The following CEMIP variants were observed in gnomAD, a reference collection of about 807,000 sequenced individuals.
CEMIP encodes cell migration inducing hyaluronidase 1.
Under a neutral mutation model 156.9 loss-of-function variants are expected in CEMIP, and 105 were observed. The observed-to-expected ratio is 0.67, with a 90% CI of 0.57 to 0.79. The LOEUF is 0.79. Among genes scored for constraint, CEMIP ranks in the 30% least tolerant of loss-of-function variants. CEMIP has a pLI of 0.00. For missense variants in CEMIP, 1,457 were observed against 1,769.4 expected, an observed-to-expected ratio of 0.82 and a Z score of 3.17; for synonymous variants, 676 against 668.4, an observed-to-expected ratio of 1.01 and a Z score of -0.17.
At position 80,932,000 on chromosome 15, in the gene CEMIP, C is replaced by G. The variant is rs1160157370; in HGVS notation, c.2754C>G (p.Pro918=). 1.2e-6 allele frequency: 2 copies of G among 1,614,130 alleles called. No individual in the cohort carries two copies. Among genetic ancestry groups the G allele is most frequent in the Admixed American group, 3.3e-5 (2 of 60,034 alleles). ...TGAATAATGCCTGGCAGAGCTGCCC[C>G]CATAACAACGTGACCGGCATTGCCT... is the stretch of plus-strand genomic sequence containing the variant. ...FRLNNAWQSC[P]HNNVTGIAFE... is the part of the protein sequence containing the mutation. Residue 918 remains proline, a synonymous_variant, in exon 22 of 30, where the codon CCC becomes CCG. Transcript: ENST00000394685.
chr15:80,898,845 C>G (rs1245542178), intron 12 of CEMIP, among the ~76,000 whole-genome samples: 1 of 152,214 alleles, frequency 6.6e-6, no homozygotes, highest in African/African-American at 2.4e-5. Flanking sequence ...TTAGGCTGGG[C>G]AGGTGGCCTT....
chr15:80,919,551 C>A (rs1046580791), intron 14 of CEMIP, among the ~76,000 whole-genome samples: 1 of 152,338 alleles, frequency 6.6e-6, no homozygotes, highest in East Asian at 1.9e-4. Context: ...CGGTGGCTCA[C>A]ACCTGTAATC....
At position 80,920,077 on chromosome 15, in the gene CEMIP, T is replaced by C; in HGVS notation, c.1798-17T>C. On this transcript the variant is annotated splice_polypyrimidine_tract_variant and intron_variant, in intron 14 of 29. Coordinates refer to ENST00000394685, the MANE Select transcript of CEMIP (RefSeq NM_001293298.2). The stretch of plus-strand genomic sequence containing the variant: ...AACTGGATGCTTGGTGAAACACCCC[T>C]GTCTTGACCCCTGCAGATCAAGGAC... 7 of 1,612,760 alleles carry C rather than the reference T, an allele frequency of 4.3e-6. No homozygotes were observed. The highest frequency in any genetic ancestry group is 5.9e-6 in the Non-Finnish European group (7 of 1,179,514).
At chr15:80,820,615 C>T (rs1896888048) in intron 1 of CEMIP, among the ~76,000 whole-genome samples, 1 of 152,192 alleles carries the variant, frequency 6.6e-6, no homozygotes, top group South Asian at 2.1e-4. Context: ...TTCTGATTCT[C>T]AGTTTCTGAG....
chr15:80,806,499 A>C (rs565217494), intron 1 of CEMIP, among the ~76,000 whole-genome samples: 3 of 152,200 alleles, frequency 2.0e-5, no homozygotes, highest in South Asian at 4.1e-4. Flanking sequence ...TTCTTCCAGG[A>C]ACCAGGAAAG....
At chr15:80,791,125 T>C (rs1043192338) in intron 1 of CEMIP, among the ~76,000 whole-genome samples, 2 of 151,280 alleles carry the variant, frequency 1.3e-5, no homozygotes, top group Admixed American at 6.6e-5. Context: ...AAAAAAAAGA[T>C]ATTTAGAGAA....
chr15:80,904,529 G>C (rs1899710674), intron 12 of CEMIP, among the ~76,000 whole-genome samples: 1 of 152,218 alleles, frequency 6.6e-6, no homozygotes, highest in Admixed American at 6.5e-5. Flanking sequence ...TAAGGTTCTG[G>C]AGATGGGAGA....
At chr15:80,785,343 C>G (rs998956489) in intron 1 of CEMIP, among the ~76,000 whole-genome samples, 1 of 152,160 alleles carries the variant, frequency 6.6e-6, no homozygotes, top group Non-Finnish European at 1.5e-5. Context: ...TTCCTCAACC[C>G]CCTCCCTGTG....
intron 1 of CEMIP, among the ~76,000 whole-genome samples, chr15:80,802,125 A>G (rs941703306): frequency 1.2e-4 from 18 of 152,232 alleles, no homozygotes; most frequent in African/African-American, 4.3e-4. Context: ...TTTGAGTCCT[A>G]ATTCTGCCAA....
At chr15:80,864,009 T>C (rs1414444127) in intron 1 of CEMIP, among the ~76,000 whole-genome samples, 2 of 152,088 alleles carry the variant, frequency 1.3e-5, no homozygotes, top group African/African-American at 4.8e-5. Flanking sequence ...TTTGCTTGAA[T>C]GTGAGAGGCA....
chr15:80,921,901 C>T (rs566387338), intron 16 of CEMIP, 108 bp from the exon 17 acceptor site: 1,112 of 1,433,134 alleles, frequency 7.8e-4, no homozygotes, highest in Non-Finnish European at 9.8e-4. Flanking sequence ...CTGTGGGTGA[C>T]GGCAGTAGCT....
intron 25 of CEMIP, among the ~76,000 whole-genome samples, chr15:80,939,186 G>A (rs1050942264): frequency 1.9e-4 from 29 of 152,208 alleles, no homozygotes; most frequent in African/African-American, 6.7e-4. Flanking sequence ...TACCTCCTCC[G>A]CCCCAGGGAG....
chr15:80,894,033 G>A (rs941270255), intron 10 of CEMIP, among the ~76,000 whole-genome samples: 2 of 152,130 alleles, frequency 1.3e-5, no homozygotes, highest in African/African-American at 2.4e-5. Flanking sequence ...CCTCCCTGGA[G>A]GCCTGCTCCC....
rs1050368058 is a variant in CEMIP, at chr15:80,932,638, G to A, written c.2793+599G>A. Among the ~76,000 whole-genome samples the A allele has an allele frequency of 6.6e-6, 1 of 152,120 alleles. No individual in the cohort carries two copies. Among genetic ancestry groups the A allele is most frequent in the South Asian group, 2.1e-4 (1 of 4,824 alleles). On this transcript the variant is annotated intron_variant, in intron 22 of 29. Transcript: ENST00000394685. The surrounding 1 kb of genome is among the most constrained non-coding windows in gnomAD (Gnocchi z 4.5). ...TTCCCTCCTTCTCCTCCCTGCTCCT[G>A]CCTTTTGCCTGTTTGCCCAGTTCCT...
intron 28 of CEMIP, 172 bp from the exon 29 acceptor site, chr15:80,946,793 A>G (rs544068477): frequency 1.1e-5 from 7 of 656,258 alleles, no homozygotes; most frequent in African/African-American, 3.6e-5. Context: ...CACCACATGG[A>G]AAGAGCCCGT....
At chr15:80,804,456 A>G (rs1347719113) in intron 1 of CEMIP, among the ~76,000 whole-genome samples, 2 of 152,222 alleles carry the variant, frequency 1.3e-5, no homozygotes, top group Non-Finnish European at 2.9e-5. Flanking sequence ...TTTAGCTTCA[A>G]TACCATGTGG....
rs759119431 is a variant in CEMIP at position 80,922,061 on chromosome 15, G to A, written c.2126G>A (p.Gly709Glu). ...CACGTACCAACGGGCCCCTCCGTGG[G>A]AATGTACTCCCCAGGTTATTCAGAG... ...FHHVPTGPSV[G>E]MYSPGYSEHI... Residue 709 changes from glycine to glutamate, a missense_variant, in exon 17 of 30, where the codon GGA becomes GAA. Around this residue, in one of 5 missense-constraint regions of CEMIP, gnomAD observed 798 missense variants for 980.1 expected, o/e 0.81. Transcript: ENST00000394685. The A allele has an allele frequency of 6.2e-7, 1 of 1,614,262 alleles. No homozygotes were observed. Among genetic ancestry groups the A allele is most frequent in the South Asian group, 1.1e-5 (1 of 91,088 alleles).
chr15:80,803,428 TAAG>T (rs1896429726), intron 1 of CEMIP, among the ~76,000 whole-genome samples: 1 of 152,050 alleles, frequency 6.6e-6, no homozygotes, highest in Non-Finnish European at 1.5e-5. Flanking sequence ...GGCACTGGAT[TAAG>T]AAATGCCAAA....
At chr15:80,947,133 T>G in intron 29 of CEMIP, 68 bp downstream of exon 29, 1 of 1,002,238 alleles carries the variant, frequency 1.0e-6, no homozygotes, top group East Asian at 2.5e-5. Flanking sequence ...GCATGGAGGG[T>G]GCTGTCATCT....
Sources: allele counts gnomAD v4.1 joint callset (sites outside exome capture counted in the v4.1 genomes callset), GRCh38; gene constraint gnomAD v4.1.1; regional missense constraint gnomAD v4.1.1; non-coding constraint Gnocchi (gnomAD v3.1); transcripts MANE v1.5; gene names NCBI Gene and HGNC (gene_info 2026-07-23, HGNC 2026-07-21).